BIN1: variants seen among roughly 807,000 people sequenced by gnomAD.
The protein encoded by BIN1 is bridging integrator 1, also known as myc box-dependent-interacting protein 1.
In BIN1, 53 loss-of-function variants were observed where a neutral mutation model predicts 82.0. That is an observed-to-expected ratio of 0.65 (90% CI 0.52 to 0.81). The LOEUF (loss-of-function observed/expected upper bound fraction) is 0.81, where lower values mean the gene tolerates loss of function less well. BIN1 is among the 40% of genes least tolerant of loss of function. The pLI is 0.00. For missense variants in BIN1, 642 were observed against 784.4 expected (o/e 0.82, Z 2.17); for synonymous variants, 302 against 328.0 (o/e 0.92, Z 0.86).
At chr2:127,086,999 C>T (rs1222408050) in intron 1 of BIN1, among the ~76,000 whole-genome samples, 1 of 152,166 alleles carries the variant, frequency 6.6e-6, no homozygotes, top group Non-Finnish European at 1.5e-5. Context: ...CTTGGGAGGC[C>T]GTCACTCTAA....
At chr2:127,105,352 G>A (rs1308032780) in intron 1 of BIN1, among the ~76,000 whole-genome samples, 1 of 152,090 alleles carries the variant, frequency 6.6e-6, no homozygotes, top group East Asian at 1.9e-4. Flanking sequence ...GCACACAGAT[G>A]GATTACCCAG....
chr2:127,063,904 C>T (rs747074301), intron 8 of BIN1, 29 bp downstream of exon 8: 44 of 1,612,768 alleles, frequency 2.7e-5, no homozygotes, highest in South Asian at 3.3e-5. Context: ...CACTGCCCCA[C>T]GCAGGCTGGG....
At position 127,066,669 on chromosome 2, in the gene BIN1, C is replaced by A. The variant is rs144539222; in HGVS notation, c.612+1494G>T. ...AAGTCCCCCTAGGCATCACCCCCAG[C>A]CCCTGGTTCCCCATGGGCACCCTGA... On this transcript the variant is annotated intron_variant, in intron 7 of 18. Coordinates refer to ENST00000316724, the MANE Select transcript of BIN1 (RefSeq NM_139343.3). Among the ~76,000 whole-genome samples, 633 of 152,310 alleles carry A rather than the reference C, an allele frequency of 4.2e-3. 6 individuals carry two copies. The highest frequency in any genetic ancestry group is 0.015 in the African/African-American group (613 of 41,576).
intron 1 of BIN1, among the ~76,000 whole-genome samples, chr2:127,098,663 G>A (rs887901769): frequency 3.3e-5 from 5 of 152,202 alleles, no homozygotes; most frequent in African/African-American, 1.2e-4. Flanking sequence ...GAAGCAGAGG[G>A]AAGAGGCTTT....
chr2:127,055,275 G>C (rs1000048384), intron 12 of BIN1: 1 of 152,328 alleles, frequency 6.6e-6, no homozygotes, highest in South Asian at 2.1e-4. Context: ...CATTGGGAGA[G>C]ACCCAAGGTC....
rs1008775127 is a variant in BIN1 at position 127,057,843 on chromosome 2, G to C, written c.1003-242C>G. 1.6e-4 allele frequency among the ~76,000 whole-genome samples: 24 copies of C among 151,878 alleles called. No individual in the cohort carries two copies. The highest frequency in any genetic ancestry group is 5.8e-4 in the African/African-American group (24 of 41,296). On this transcript the variant is annotated intron_variant, in intron 11 of 18. Transcript: ENST00000316724. The surrounding 1 kb of genome is among the most constrained non-coding windows in gnomAD (Gnocchi z 5.0). ...GCAGGCGGTCCAGAAACGCTGTGTG[G>C]AGAGAGAAGAGATAGAGAAGTGAGG...
intron 1 of BIN1, among the ~76,000 whole-genome samples, chr2:127,104,331 G>A (rs1006201528): frequency 2.0e-5 from 3 of 152,216 alleles, no homozygotes; most frequent in African/African-American, 4.8e-5. Flanking sequence ...GGGTCAACAG[G>A]TAACAACAGT....
intron 1 of BIN1, among the ~76,000 whole-genome samples, chr2:127,096,404 G>A (rs1487654517): frequency 1.3e-5 from 2 of 152,182 alleles, no homozygotes; most frequent in Non-Finnish European, 2.9e-5. Context: ...CTGGGAAAGA[G>A]CGTTTGCATC....
chr2:127,072,633 A>C (rs1382376027), intron 2 of BIN1, among the ~76,000 whole-genome samples: 1 of 151,284 alleles, frequency 6.6e-6, no homozygotes, highest in Non-Finnish European at 1.5e-5. Flanking sequence ...AAAAAAAAAA[A>C]ATCTCTAAAA....
At chr2:127,064,527 T>A (rs2105013301) in intron 7 of BIN1, among the ~76,000 whole-genome samples, 1 of 152,266 alleles carries the variant, frequency 6.6e-6, no homozygotes, top group South Asian at 2.1e-4. Flanking sequence ...CCTGGCAGCC[T>A]CAGCCACCAG....
chr2:127,095,781 C>A (rs1464383106), intron 1 of BIN1, among the ~76,000 whole-genome samples: 1 of 152,184 alleles, frequency 6.6e-6, no homozygotes. Flanking sequence ...CCTCACAGGG[C>A]ACAGAGAGAA....
In BIN1 at chr2:127,050,306, T is replaced by C. The variant is rs184036842; in HGVS notation, c.1674+115A>G. 5.3e-4 allele frequency: 585 copies of C among 1,099,366 alleles called. No homozygotes were observed. In the African/African-American group the frequency reaches 7.9e-3, roughly 15 times the overall value. 68.1% of individuals were successfully genotyped at this position (1,099,366 alleles called of 1,614,324 possible). A position where few individuals can be genotyped will look rare whatever the true frequency, so the allele number is the denominator to read the frequency against. On this transcript the variant is annotated intron_variant, in intron 18 of 18. Transcript: ENST00000316724. ...GGAGGAGCAGTTGGCGCGGGAGCCC[T>C]GGTGCTCGCGGGCCTCTGCTGCCCC...
Position 127,076,685 on chromosome 2 carries a change from C to A in BIN1, c.106G>T (p.Ala36Ser). 1 of 1,613,988 alleles carries A rather than the reference C, an allele frequency of 6.2e-7. No individual in the cohort carries two copies. Among genetic ancestry groups the A allele is most frequent in the East Asian group, 2.2e-5 (1 of 44,898 alleles). The change falls in exon 2 of 19, where the codon GCA (alanine) becomes TCA (serine). Residue 36 changes from alanine to serine, a missense_variant. Ala to Ser is a moderately conservative substitution (Grantham distance 99). Coordinates refer to ENST00000316724, the MANE Select transcript of BIN1 (RefSeq NM_139343.3). ...QEKVLQKLGK[A>S]DETKDEQFEQ... ...AACTGCTCATCCTTGGTCTCATCTGCCTTCCCCAGCTTCTGGAGAACCTGC... is the reference window on the plus strand; with the variant it reads ...AACTGCTCATCCTTGGTCTCATCTGACTTCCCCAGCTTCTGGAGAACCTGC...
chr2:127,086,494 G>A (rs1036265438), intron 1 of BIN1, among the ~76,000 whole-genome samples: 9 of 151,808 alleles, frequency 5.9e-5, no homozygotes, highest in Admixed American at 2.6e-4. Flanking sequence ...CCCCCACATG[G>A]TAATCCATCT....
chr2:127,060,120 C>T (rs994786211), intron 10 of BIN1, among the ~76,000 whole-genome samples: 1 of 152,184 alleles, frequency 6.6e-6, no homozygotes, highest in Admixed American at 6.5e-5. Flanking sequence ...TGAGGGCAAA[C>T]AGTGGAACAG....
At chr2:127,097,933 TTG>T (rs1679808875) in intron 1 of BIN1, among the ~76,000 whole-genome samples, 1 of 152,168 alleles carries the variant, frequency 6.6e-6, no homozygotes, top group African/African-American at 2.4e-5. Flanking sequence ...CCCTCTGAAC[TTG>T]GCTCAGGTTC....
At position 127,072,621 on chromosome 2, in the gene BIN1, G is replaced by GA. The variant is rs67215867; in HGVS notation, c.166-1806dup. ...TGTATAATTTAAAGAGAGCATGTGT[G>GA]AAAAAAAAAAAAATCTCTAAAATTC... On this transcript the variant is annotated intron_variant, in intron 2 of 18. Transcript: ENST00000316724. Among the ~76,000 whole-genome samples, 16 of 149,052 alleles carry GA rather than the reference G, an allele frequency of 1.1e-4. No homozygotes were observed. The East Asian group carries it at 1.2e-3, about 11-fold the overall frequency.
chr2:127,072,861 C>T (rs1206776555), intron 2 of BIN1, among the ~76,000 whole-genome samples: 1 of 152,154 alleles, frequency 6.6e-6, no homozygotes, highest in Non-Finnish European at 1.5e-5. Flanking sequence ...ACACAGCCAC[C>T]CTAAGTCTTC....
At chr2:127,095,412 T>C (rs958251963) in intron 1 of BIN1, among the ~76,000 whole-genome samples, 3 of 152,180 alleles carry the variant, frequency 2.0e-5, no homozygotes, top group Non-Finnish European at 2.9e-5. Context: ...TCCCGGAGTA[T>C]GGAAATCCCA....
Sources: allele counts gnomAD v4.1 joint callset (sites outside exome capture counted in the v4.1 genomes callset), GRCh38; gene constraint gnomAD v4.1.1; non-coding constraint Gnocchi (gnomAD v3.1); transcripts MANE v1.5; gene names NCBI Gene and HGNC (gene_info 2026-07-23, HGNC 2026-07-21).